CILK1: variants seen among roughly 807,000 people sequenced by gnomAD.
CILK1 encodes serine/threonine-protein kinase ICK.
A neutral mutation model predicts 79.2 loss-of-function variants in CILK1; 47 were observed. The ratio of observed to expected loss-of-function variants is 0.59; its 90% CI spans 0.47 to 0.76. The LOEUF is 0.76. Among genes scored for constraint, CILK1 ranks in the 30% least tolerant of loss-of-function variants. CILK1 has a pLI of 0.00. For synonymous variants in CILK1, 266 were observed against 275.9 expected, an observed-to-expected ratio of 0.96 and a Z score of 0.36; for missense variants, 660 against 769.5, an observed-to-expected ratio of 0.86 and a Z score of 1.68.
intron 3 of CILK1, 44 bp from the exon 4 acceptor site, chr6:53,032,698 A>G (rs772990353): frequency 1.3e-6 from 2 of 1,521,272 alleles, no homozygotes; most frequent in Non-Finnish European, 1.8e-6. Flanking sequence ...AATATTAGAG[A>G]AAATCTGTTG....
chr6:53,030,937 T>C (rs1765913330), intron 5 of CILK1, 128 bp downstream of exon 5: 2 of 700,022 alleles, frequency 2.9e-6, no homozygotes, highest in East Asian at 5.4e-5. Flanking sequence ...TTAAAATCCA[T>C]TGTCAGCCTC....
intron 1 of CILK1, among the ~76,000 whole-genome samples, chr6:53,047,464 C>CT (rs60611050): frequency 0.031 from 2,191 of 70,582 alleles, 140 homozygotes; most frequent in African/African-American, 0.11. Context: ...CACTACCAGG[C>CT]TTTTTTTTTT....
At chr6:53,011,421 A>C (rs1387200069) in intron 11 of CILK1, among the ~76,000 whole-genome samples, 3 of 152,136 alleles carry the variant, frequency 2.0e-5, no homozygotes, top group Non-Finnish European at 4.4e-5. Flanking sequence ...AATATGGTGA[A>C]ACCCTGTCTC....
At chr6:53,006,523 T>C in intron 12 of CILK1, 86 bp from the exon 13 acceptor site, 5 of 1,456,906 alleles carry the variant, frequency 3.4e-6, no homozygotes, top group Admixed American at 1.7e-5. Context: ...TGCAGAGCAA[T>C]AACAAACTAA....
At chr6:53,032,508 T>C (rs1766034443) in intron 4 of CILK1, 25 bp downstream of exon 4, 3 of 1,497,448 alleles carry the variant, frequency 2.0e-6, no homozygotes, top group Non-Finnish European at 1.8e-6. Context: ...ATTTCTATAA[T>C]AAGATAATGA....
At position 53,004,320 on chromosome 6, in the gene CILK1, T is replaced by C. The variant is rs1581929211; in HGVS notation, c.*829A>G. On this transcript the variant is annotated 3_prime_UTR_variant, in exon 14 of 14. Transcript: ENST00000676107. ...GTAAGTTTGATTGACTGTGTTAACC[T>C]TCATGTTGAGAGCCTTTTGAAGCAG... 5.9e-5 allele frequency: 9 copies of C among 152,374 alleles called. 1 individual carries two copies. The South Asian group carries it at 1.9e-3, about 32-fold the overall frequency. The allele number at this position is 152,374 out of a possible 1,614,324, so 9.4% of individuals were successfully genotyped here.
At chr6:53,054,869 C>T (rs943700831) in intron 1 of CILK1, among the ~76,000 whole-genome samples, 3 of 152,224 alleles carry the variant, frequency 2.0e-5, no homozygotes, top group Admixed American at 1.3e-4. Context: ...AGAACATTTG[C>T]TCATGGCCAG....
intron 3 of CILK1, among the ~76,000 whole-genome samples, chr6:53,034,990 A>G (rs1292926933): frequency 2.0e-5 from 3 of 152,140 alleles, no homozygotes; most frequent in Non-Finnish European, 2.9e-5. Context: ...AAGGATGAGA[A>G]TCAACCTAGT....
chr6:53,042,370 T>C (rs1766777551), intron 1 of CILK1, among the ~76,000 whole-genome samples: 1 of 152,178 alleles, frequency 6.6e-6, no homozygotes, highest in South Asian at 2.1e-4. Context: ...CTATGAAAAT[T>C]TCGCTAAATA....
chr6:53,012,337 A>T (rs1562006181), intron 9 of CILK1, 110 bp from the exon 10 acceptor site: 1 of 944,328 alleles, frequency 1.1e-6, no homozygotes, highest in Non-Finnish European at 1.7e-6. Context: ...CTCCTGGGGC[A>T]TAACATTGCT....
intron 3 of CILK1, among the ~76,000 whole-genome samples, chr6:53,034,322 G>A (rs1766167951): frequency 6.6e-6 from 1 of 152,162 alleles, no homozygotes; most frequent in South Asian, 2.1e-4. Context: ...TTGTTTCTAG[G>A]TGAGTCTCAT....
At chr6:53,009,843 G>A (rs1240295059) in intron 11 of CILK1, among the ~76,000 whole-genome samples, 2 of 152,114 alleles carry the variant, frequency 1.3e-5, no homozygotes, top group African/African-American at 4.8e-5. Context: ...ACTGCTGCTG[G>A]ACATGCTGTT....
At chr6:53,030,334 C>A (rs943967846) in intron 5 of CILK1, among the ~76,000 whole-genome samples, 1 of 152,196 alleles carries the variant, frequency 6.6e-6, no homozygotes, top group African/African-American at 2.4e-5. Flanking sequence ...ATGTTACATA[C>A]CGTCCTCTCT....
Position 53,031,313 on chromosome 6 carries a change from A to G in CILK1, c.279-169T>C, listed in dbSNP as rs901346664. 6.6e-5 allele frequency among the ~76,000 whole-genome samples: 10 copies of G among 152,352 alleles called. No homozygotes were observed. In the South Asian group the frequency reaches 1.5e-3, roughly 22 times the overall value. The stretch of plus-strand genomic sequence containing the variant: ...AACATTTGATAGTAAGCCAAAAAAA[A>G]GTTTTTCCTCCAACATAGCATATAA... On this transcript the variant is annotated intron_variant, in intron 4 of 13. Coordinates refer to ENST00000676107, the MANE Select transcript of CILK1 (RefSeq NM_014920.5).
At chr6:53,033,912 C>G (rs546676780) in intron 3 of CILK1, among the ~76,000 whole-genome samples, 1 of 152,336 alleles carries the variant, frequency 6.6e-6, no homozygotes, top group East Asian at 1.9e-4. Context: ...TTCCTGCCAA[C>G]ATACTTCTCT....
intron 3 of CILK1, among the ~76,000 whole-genome samples, chr6:53,032,930 G>T (rs898137678): frequency 6.6e-6 from 1 of 152,148 alleles, no homozygotes; most frequent in African/African-American, 2.4e-5. Flanking sequence ...ATGTACCAAG[G>T]CTATTTTGGG....
chr6:53,031,001 A>G, intron 5 of CILK1, 64 bp downstream of exon 5: 2 of 1,147,738 alleles, frequency 1.7e-6, no homozygotes, highest in Non-Finnish European at 2.6e-6. Context: ...AATGTTTCCT[A>G]CAACTTCTAC....
intron 1 of CILK1, among the ~76,000 whole-genome samples, chr6:53,044,810 AC>A: frequency 6.6e-6 from 1 of 152,256 alleles, no homozygotes; most frequent in Non-Finnish European, 1.5e-5. Context: ...CTAGCAAATG[AC>A]GACACAGGAA....
intron 1 of CILK1, among the ~76,000 whole-genome samples, chr6:53,059,677 G>T (rs1037786390): frequency 1.3e-5 from 2 of 152,300 alleles, no homozygotes; most frequent in African/African-American, 2.4e-5. Context: ...AATGAAAAGA[G>T]GATTTTAGAT....
Sources: allele counts gnomAD v4.1 joint callset (sites outside exome capture counted in the v4.1 genomes callset), GRCh38; gene constraint gnomAD v4.1.1; transcripts MANE v1.5; gene names NCBI Gene and HGNC (gene_info 2026-07-23, HGNC 2026-07-21).